SGCD: variants seen among roughly 807,000 people sequenced by gnomAD.
SGCD encodes delta-sarcoglycan.
SGCD carries 18 observed loss-of-function variants against 36.6 expected under a neutral mutation model. The ratio of observed to expected loss-of-function variants is 0.49; its 90% confidence interval spans 0.34 to 0.73. SGCD has a LOEUF of 0.73. SGCD is among the 30% of genes least tolerant of loss of function. The probability of loss-of-function intolerance (pLI) is 0.01; values close to 1 mark genes in which losing one functional copy is unlikely to be tolerated. For missense variants in SGCD, 387 were observed against 346.7 expected (o/e 1.12, Z -0.92); for synonymous variants, 133 against 130.6 (o/e 1.02, Z -0.12).
intron 1 of SGCD, among the ~76,000 whole-genome samples, chr5:156,096,141 A>G (rs1279448302): frequency 6.6e-6 from 1 of 152,236 alleles, no homozygotes; most frequent in African/African-American, 2.4e-5. Context: ...GAGGTCAGCT[A>G]GCCACCAGCA....
At position 156,067,968 on chromosome 5, in the gene SGCD, C is replaced by A. The variant is rs573853661; in HGVS notation, c.-281-49910C>A. ...TTCGGCCATCTTGGCTCCTCCCCCC[C>A]ACTTTTTTTTTTTTAATTGGCAAAA... On this transcript the variant is annotated intron_variant, in intron 1 of 9. Transcript: ENST00000517913. Among the ~76,000 whole-genome samples, 13 of 128,358 alleles carry A rather than the reference C, an allele frequency of 1.0e-4. No individual in the cohort carries two copies. In the South Asian group the frequency reaches 1.9e-3, roughly 19 times the overall value. The allele number at this position is 128,358 out of a possible 152,430, so 84.2% of individuals were successfully genotyped here.
At chr5:155,895,244 A>T (rs1580976912) in intron 1 of SGCD, among the ~76,000 whole-genome samples, 1 of 152,368 alleles carries the variant, frequency 6.6e-6, no homozygotes, top group East Asian at 1.9e-4. Context: ...CTTTGGGTTC[A>T]ATTCTCAGGT....
At chr5:156,280,766 G>A (rs1448367074) in intron 3 of SGCD, among the ~76,000 whole-genome samples, 1 of 152,092 alleles carries the variant, frequency 6.6e-6, no homozygotes, top group Non-Finnish European at 1.5e-5. Flanking sequence ...TCAGTGTTGG[G>A]GAAATAAGAA....
chr5:156,119,284 A>C (rs1211556611), intron 2 of SGCD, among the ~76,000 whole-genome samples: 1 of 152,164 alleles, frequency 6.6e-6, no homozygotes, highest in African/African-American at 2.4e-5. Flanking sequence ...GGAAAGAAGC[A>C]ATGGTGATTT....
intron 3 of SGCD, among the ~76,000 whole-genome samples, chr5:156,203,185 T>C (rs772169934): frequency 6.6e-6 from 1 of 152,144 alleles, no homozygotes; most frequent in African/African-American, 2.4e-5. Flanking sequence ...GTGCCTCTAT[T>C]TGCTGTGGCA....
At chr5:155,895,687 C>CA (rs11361236) in intron 1 of SGCD, among the ~76,000 whole-genome samples, 5,527 of 139,480 alleles carry the variant, frequency 0.04, 288 homozygotes, top group African/African-American at 0.13. Context: ...GTAATGGCAC[C>CA]AAAAAAAAAA....
chr5:156,200,763 A>G (rs1380848256), intron 3 of SGCD, among the ~76,000 whole-genome samples: 2 of 152,188 alleles, frequency 1.3e-5, no homozygotes, highest in East Asian at 1.9e-4. Context: ...AATTCAAAGC[A>G]GAATCTCAAA....
intron 3 of SGCD, among the ~76,000 whole-genome samples, chr5:156,134,811 T>C (rs950476239): frequency 3.9e-5 from 6 of 152,076 alleles, no homozygotes; most frequent in Non-Finnish European, 8.8e-5. Context: ...AACCTGCACA[T>C]TGTGCACATG....
intron 3 of SGCD, among the ~76,000 whole-genome samples, chr5:156,364,219 C>T (rs1769965480): frequency 6.6e-6 from 1 of 152,130 alleles, no homozygotes; most frequent in Non-Finnish European, 1.5e-5. Context: ...GTGACTTTTC[C>T]CTCAAAATGG....
chr5:156,233,120 C>G (rs1374386610), intron 3 of SGCD, among the ~76,000 whole-genome samples: 1 of 152,176 alleles, frequency 6.6e-6, no homozygotes. Context: ...ATTCATTTCA[C>G]CTGTCTTAAT....
At chr5:156,621,987 G>A (rs929480238) in intron 6 of SGCD, among the ~76,000 whole-genome samples, 2 of 152,122 alleles carry the variant, frequency 1.3e-5, no homozygotes, top group African/African-American at 4.8e-5. Flanking sequence ...GTTTAAGGGT[G>A]GAAGTAAGCT....
At chr5:155,923,094 A>C (rs1756921683) in intron 1 of SGCD, among the ~76,000 whole-genome samples, 1 of 152,188 alleles carries the variant, frequency 6.6e-6, no homozygotes, top group South Asian at 2.1e-4. Flanking sequence ...CTGTGGCTTC[A>C]AATATGGGGG....
intron 1 of SGCD, among the ~76,000 whole-genome samples, chr5:155,918,979 C>CAAT (rs1440846673): frequency 7.5e-4 from 114 of 152,332 alleles, no homozygotes; most frequent in South Asian, 2.9e-3. Context: ...CAAAAAGCTT[C>CAAT]CAGATTACTG....
At chr5:156,068,264 C>A (rs1004617838) in intron 1 of SGCD, among the ~76,000 whole-genome samples, 11 of 151,590 alleles carry the variant, frequency 7.3e-5, no homozygotes, top group Non-Finnish European at 1.0e-4. Context: ...TAAAGCTATC[C>A]CTCCCCCCTT....
At chr5:156,026,769 C>T (rs2127574614) in intron 1 of SGCD, among the ~76,000 whole-genome samples, 1 of 152,256 alleles carries the variant, frequency 6.6e-6, no homozygotes, top group Non-Finnish European at 1.5e-5. Flanking sequence ...GTCCATAGAT[C>T]ATGGAATATG....
intron 6 of SGCD, among the ~76,000 whole-genome samples, chr5:156,607,052 A>G (rs921024767): frequency 1.1e-4 from 16 of 152,126 alleles, no homozygotes; most frequent in African/African-American, 3.1e-4. Context: ...TCTCCTGCCT[A>G]ATTGCCCTGG....
Position 156,060,445 on chromosome 5 carries a change from C to T in SGCD, c.-281-57433C>T, listed in dbSNP as rs1760175611. 1.4e-5 allele frequency among the ~76,000 whole-genome samples: 2 copies of T among 146,428 alleles called. 1 individual carries two copies. The highest frequency in any genetic ancestry group is 4.3e-4 in the South Asian group (2 of 4,674). The stretch of plus-strand genomic sequence containing the variant: ...AGTCTTTCTATCTTCTAGCCCAAAA[C>T]AAGATAGTAAAAGACAGGATTAATT... On this transcript the variant is annotated intron_variant, in intron 1 of 9. Transcript: ENST00000517913.
At chr5:156,371,186 G>C (rs1236838258) in intron 3 of SGCD, among the ~76,000 whole-genome samples, 2 of 152,156 alleles carry the variant, frequency 1.3e-5, no homozygotes, top group Non-Finnish European at 2.9e-5. Context: ...ATTTTAAGCA[G>C]AATTGAGACC....
intron 1 of SGCD, among the ~76,000 whole-genome samples, chr5:156,103,590 T>C (rs984846180): frequency 6.6e-6 from 1 of 152,140 alleles, no homozygotes; most frequent in Non-Finnish European, 1.5e-5. Flanking sequence ...CCCTTAAACA[T>C]TGAATTTAAA....
Sources: allele counts gnomAD v4.1 joint callset (sites outside exome capture counted in the v4.1 genomes callset), GRCh38; gene constraint gnomAD v4.1.1; transcripts MANE v1.5; gene names NCBI Gene and HGNC (gene_info 2026-07-23, HGNC 2026-07-21).